Variants in BTLA observed in about 807,000 individuals in gnomAD.
BTLA encodes B and T lymphocyte associated.
Under a neutral mutation model 25.0 loss-of-function variants are expected in BTLA, and 11 were observed. The ratio of observed to expected loss-of-function variants is 0.44; its 90% CI spans 0.28 to 0.73. The LOEUF (loss-of-function observed/expected upper bound fraction) is 0.73. Among genes scored for constraint, BTLA ranks in the 30% least tolerant of loss-of-function variants. The probability of loss-of-function intolerance (pLI) is 0.15; values close to 1 mark genes in which losing one functional copy is unlikely to be tolerated. For synonymous variants in BTLA, 104 were observed against 119.8 expected (o/e 0.87, Z 0.86); for missense variants, 282 against 332.8 (o/e 0.85, Z 1.19).
At chr3:112,467,083 G>A (rs537368250) in intron 4 of BTLA, among the ~76,000 whole-genome samples, 1 of 151,664 alleles carries the variant, frequency 6.6e-6, no homozygotes, top group Admixed American at 6.6e-5. Context: ...TCAGCCTCCC[G>A]AGTAGCTGGG....
Position 112,499,257 on chromosome 3 carries a change from A to G in BTLA, c.88+14T>C. 1 of 1,551,196 alleles carries G rather than the reference A, an allele frequency of 6.4e-7. No homozygotes were observed. Among genetic ancestry groups the G allele is most frequent in the Non-Finnish European group, 8.9e-7 (1 of 1,123,172 alleles). ...GAGAAATAAAACCAGAAATAACCTA[A>G]GCAGGTGCCTTACCATGGATGTTCC... On this transcript the variant is annotated intron_variant, in intron 1 of 4. Coordinates refer to ENST00000334529, the MANE Select transcript of BTLA (RefSeq NM_181780.4).
rs1218992040 is a variant in BTLA, at chr3:112,477,607, T to C, written c.403+1848A>G. Among the ~76,000 whole-genome samples, 4 of 152,182 alleles carry C rather than the reference T, an allele frequency of 2.6e-5. No individual in the cohort carries two copies. The East Asian group carries it at 5.8e-4, about 22-fold the overall frequency. Reference sequence around the variant, plus strand: ...AGTGTTTAATTTTTATGAAGTCCAATTTATCTATTTTTGGTGTTATTGTTG... The same window carrying C: ...AGTGTTTAATTTTTATGAAGTCCAACTTATCTATTTTTGGTGTTATTGTTG... On this transcript the variant is annotated intron_variant, in intron 2 of 4. Transcript: ENST00000334529.
chr3:112,474,625 G>A (rs1228934947), intron 2 of BTLA, among the ~76,000 whole-genome samples: 1 of 152,148 alleles, frequency 6.6e-6, no homozygotes, highest in African/African-American at 2.4e-5. Flanking sequence ...GAGAGGCACA[G>A]ACTTAAATGG....
At chr3:112,482,311 CAT>C (rs2082322139) in intron 1 of BTLA, among the ~76,000 whole-genome samples, 1 of 152,132 alleles carries the variant, frequency 6.6e-6, no homozygotes, top group Admixed American at 6.6e-5. Flanking sequence ...ATTAGAATGA[CAT>C]AAGTGTAACA....
intron 2 of BTLA, among the ~76,000 whole-genome samples, chr3:112,473,327 C>T (rs2082272701): frequency 6.6e-6 from 1 of 152,012 alleles, no homozygotes; most frequent in Admixed American, 6.5e-5. Context: ...CGATCATTGA[C>T]ACAAAGTAAA....
Position 112,466,113 on chromosome 3 carries a change from T to C in BTLA, c.865A>G (p.Ser289Gly), listed in dbSNP as rs1257112493. 1.9e-6 allele frequency: 3 copies of C among 1,587,262 alleles called. No individual in the cohort carries two copies. Among genetic ancestry groups the C allele is most frequent in the Non-Finnish European group, 2.6e-6 (3 of 1,159,962 alleles). ...TGTTGGAGTCAGAAACAGACTTAACTCCTCACACATATGGATGCATATTCT... is the reference window on the plus strand; with the variant it reads ...TGTTGGAGTCAGAAACAGACTTAACCCCTCACACATATGGATGCATATTCT... ...PTEYASICVR[S>G] The change falls in exon 5 of 5, where the codon AGT becomes GGT. Residue 289 changes from serine (S) to glycine (G), a missense_variant. Around this residue, in one of 2 missense-constraint regions of BTLA, gnomAD observed 119 missense variants for 102.3 expected, o/e 1.16. Coordinates refer to ENST00000334529, the MANE Select transcript of BTLA (RefSeq NM_181780.4).
chr3:112,483,302 C>A (rs966255652), intron 1 of BTLA, among the ~76,000 whole-genome samples: 22 of 151,862 alleles, frequency 1.4e-4, no homozygotes, highest in African/African-American at 4.8e-4. Flanking sequence ...GCGCCCACCA[C>A]CACGCCCAGC....
At chr3:112,489,960 A>G (rs756827811) in intron 1 of BTLA, among the ~76,000 whole-genome samples, 19 of 152,318 alleles carry the variant, frequency 1.2e-4, no homozygotes, top group South Asian at 8.3e-4. Context: ...GTTTGTACAT[A>G]GTCAGGGCAA....
chr3:112,469,828 G>A, intron 3 of BTLA, 24 bp from the exon 4 acceptor site: 1 of 1,593,698 alleles, frequency 6.3e-7, no homozygotes, highest in Non-Finnish European at 8.6e-7. Context: ...AGAAAAAGAA[G>A]TAATCAAAAG....
intron 1 of BTLA, among the ~76,000 whole-genome samples, chr3:112,483,057 TTA>T (rs977507004): frequency 6.6e-6 from 1 of 151,932 alleles, no homozygotes; most frequent in Non-Finnish European, 1.5e-5. Flanking sequence ...AATGAGATGG[TTA>T]TAGACAAAGA....
At chr3:112,477,594 TTA>T (rs1282867230) in intron 2 of BTLA, among the ~76,000 whole-genome samples, 2 of 152,086 alleles carry the variant, frequency 1.3e-5, no homozygotes, top group African/African-American at 4.8e-5. Context: ...TGTTTAATTT[TTA>T]TGAAGTCCAA....
intron 2 of BTLA, 119 bp from the exon 3 acceptor site, chr3:112,471,474 C>T: frequency 8.9e-7 from 1 of 1,123,786 alleles, no homozygotes; most frequent in East Asian, 2.5e-5. Context: ...GCCTCCATTT[C>T]CCCTTCAGAG....
chr3:112,466,717 TCAGG>T (rs1320783418), intron 4 of BTLA, among the ~76,000 whole-genome samples: 1 of 152,076 alleles, frequency 6.6e-6, no homozygotes, highest in Non-Finnish European at 1.5e-5. Flanking sequence ...TATGAAAACT[TCAGG>T]CAGTTTATAA....
chr3:112,480,605 G>A (rs2082312948), intron 1 of BTLA, among the ~76,000 whole-genome samples: 1 of 152,196 alleles, frequency 6.6e-6, no homozygotes, highest in South Asian at 2.1e-4. Context: ...ACAAGACAGA[G>A]AAAAATGGGG....
rs750284791 is a variant in BTLA at position 112,471,254 on chromosome 3, T to C, written c.505A>G (p.Thr169Ala). ...LPLGGLPLLITTCFCLFCCLR... is the reference protein window; with the variant it reads ...LPLGGLPLLIATCFCLFCCLR... ...CAGCAGAACAGGCAGAAACAGGTAG[T>C]GATGAGTAGAGGCAATCCCCCCAAA... The change falls in exon 3 of 5, where the codon ACT becomes GCT. Residue 169 changes from threonine to alanine, a missense_variant. Coordinates refer to ENST00000334529, the MANE Select transcript of BTLA (RefSeq NM_181780.4). The C allele has an allele frequency of 6.2e-7, 1 of 1,614,064 alleles. No homozygotes were observed. The highest frequency in any genetic ancestry group is 8.5e-7 in the Non-Finnish European group (1 of 1,179,978).
At chr3:112,493,158 G>A (rs917446542) in intron 1 of BTLA, among the ~76,000 whole-genome samples, 9 of 152,150 alleles carry the variant, frequency 5.9e-5, no homozygotes, top group South Asian at 2.1e-4. Flanking sequence ...GAAGCAAATC[G>A]CATATGATAC....
At chr3:112,477,565 A>G (rs2082295562) in intron 2 of BTLA, among the ~76,000 whole-genome samples, 1 of 151,952 alleles carries the variant, frequency 6.6e-6, no homozygotes, top group Non-Finnish European at 1.5e-5. Context: ...GAATTTTAGT[A>G]TCTTTTGATG....
At chr3:112,479,376 T>C (rs1005248758) in intron 2 of BTLA, 79 bp downstream of exon 2, 1 of 1,378,756 alleles carries the variant, frequency 7.3e-7, no homozygotes, top group Non-Finnish European at 1.0e-6. Context: ...TCTAACATAA[T>C]CACTTGAGAA....
intron 1 of BTLA, among the ~76,000 whole-genome samples, chr3:112,498,221 T>C (rs1421263007): frequency 2.6e-5 from 4 of 151,868 alleles, no homozygotes; most frequent in Non-Finnish European, 5.9e-5. Flanking sequence ...TGTTGGATAA[T>C]TGGGGTTATC....
Sources: allele counts gnomAD v4.1 joint callset (sites outside exome capture counted in the v4.1 genomes callset), GRCh38; gene constraint gnomAD v4.1.1; regional missense constraint gnomAD v4.1.1; transcripts MANE v1.5; gene names NCBI Gene and HGNC (gene_info 2026-07-23, HGNC 2026-07-21).